The following PADI6 variants were observed in gnomAD, a reference collection of about 807,000 sequenced individuals.
PADI6 encodes peptidyl arginine deiminase 6.
In PADI6, 66 loss-of-function variants were observed where a neutral mutation model predicts 78.2. The observed-to-expected ratio is 0.84, with a 90% confidence interval of 0.69 to 1.04. PADI6 has a LOEUF of 1.04. Ranked by LOEUF, PADI6 falls within the 50% of genes least tolerant of loss-of-function variation. The pLI, the probability that PADI6 is intolerant of heterozygous loss-of-function variation, is 0.00. For synonymous variants in PADI6, 397 were observed against 346.9 expected (o/e 1.14, Z -1.60); for missense variants, 854 against 866.1 (o/e 0.99, Z 0.18).
At chr1:17,393,313 A>G (rs2075209836) in intron 9 of PADI6, among the ~76,000 whole-genome samples, 3 of 152,264 alleles carry the variant, frequency 2.0e-5, no homozygotes, top group South Asian at 4.1e-4. Context: ...GAAAGGTTAT[A>G]GTTCAGGTTT....
intron 14 of PADI6, 33 bp from the exon 15 acceptor site, chr1:17,398,653 C>CGGGGGGGGGGGGGGGGGGGGGGGGGGG: frequency 7.4e-6 from 1 of 135,092 alleles, no homozygotes. Flanking sequence ...CTTGCTCCCC[C>CGGGGGGGGGGGGGGGGGGGGGGGGGGG]GCCCCCCCCC....
chr1:17,375,544 G>A, intron 3 of PADI6, 45 bp downstream of exon 3: 1 of 1,517,902 alleles, frequency 6.6e-7, no homozygotes, highest in East Asian at 2.4e-5. Context: ...ACTCACCGCT[G>A]GGGTTGGGGA....
Position 17,395,676 on chromosome 1 carries a change from C to T in PADI6, c.1618+13C>T. 1.2e-6 allele frequency: 2 copies of T among 1,607,684 alleles called. No homozygotes were observed. ...CTCCTGTCTAATGGTAAGGGAACTC[C>T]CTTTCCACAGAACAGAACTGGGGTC... On this transcript the variant is annotated intron_variant, in intron 13 of 15. Transcript: ENST00000619609.
chr1:17,382,149 G>A, intron 6 of PADI6, 57 bp downstream of exon 6: 1 of 1,595,760 alleles, frequency 6.3e-7, no homozygotes, highest in South Asian at 1.1e-5. Context: ...CAGGCAAGTT[G>A]TGCCCACACC....
rs377469147 is a variant in PADI6, at chr1:17,398,731, C to G, written c.1735C>G (p.Leu579Val). ...TGACATCCTGAAGACGGAGCTGGGC[C>G]TGGTGGAACAGGACATCATCGAGAT... ...NRDILKTELG[L>V]VEQDIIEIPQ... Residue 579 changes from leucine to valine, a missense_variant, in exon 15 of 16, where the codon CTG (leucine) becomes GTG (valine). Leu to Val is a conservative substitution (Grantham distance 32, BLOSUM62 1). Coordinates refer to ENST00000619609, the MANE Select transcript of PADI6 (RefSeq NM_207421.4). The G allele has an allele frequency of 3.4e-5, 54 of 1,582,082 alleles. 1 individual carries two copies. The African/African-American group carries it at 6.4e-4, about 19-fold the overall frequency.
rs772948279 is a variant in PADI6 at position 17,401,387 on chromosome 1, C to T, written c.2034C>T (p.Ala678=). 1.9e-6 allele frequency: 3 copies of T among 1,614,076 alleles called. No individual in the cohort carries two copies. The highest frequency in any genetic ancestry group is 8.5e-7 in the Non-Finnish European group (1 of 1,179,906). Residue 678 remains alanine, a synonymous_variant, in exon 16 of 16, where the codon GCC becomes GCT. Transcript: ENST00000619609. The stretch of plus-strand genomic sequence containing the variant: ...AGGTCGGAGACATCTGTGCCTGTGC[C>T]AACATCCGCCGGGTGCCCTTTGCCT... ...LTEVGDICAC[A]NIRRVPFAFK...
chr1:17,372,326 T>C lies in PADI6; in HGVS notation c.81T>C (p.Cys27=). 1 of 1,613,918 alleles carries C rather than the reference T, an allele frequency of 6.2e-7. No individual in the cohort carries two copies. The highest frequency in any genetic ancestry group is 1.1e-5 in the South Asian group (1 of 91,088). Residue 27 remains cysteine (C), a synonymous_variant, in exon 1 of 16, where the codon TGT becomes TGC. Transcript: ENST00000619609. ...TGGACAGCCCTGTCCATGCCGTTTG[T>C]GTGTTGGGCACAGAAATCTGCTTGG... ...LSLDSPVHAV[C]VLGTEICLDL...
intron 9 of PADI6, among the ~76,000 whole-genome samples, chr1:17,393,062 C>T (rs930622103): frequency 1.3e-5 from 2 of 152,148 alleles, no homozygotes; most frequent in African/African-American, 4.8e-5. Context: ...AGAAGAATCG[C>T]TTGAACCCAG....
intron 3 of PADI6, among the ~76,000 whole-genome samples, chr1:17,377,502 T>C (rs2075030582): frequency 6.6e-6 from 1 of 152,176 alleles, no homozygotes; most frequent in East Asian, 1.9e-4. Flanking sequence ...CCGACTTGGA[T>C]ATTGCCTACC....
Position 17,381,160 on chromosome 1 carries a change from A to G in PADI6, c.549A>G (p.Ser183=), listed in dbSNP as rs970030085. 5.0e-6 allele frequency: 8 copies of G among 1,595,812 alleles called. No homozygotes were observed. The African/African-American group carries it at 5.4e-5, about 11-fold the overall frequency. The change falls in exon 5 of 16, where the codon TCA becomes TCG. Residue 183 remains serine, a synonymous_variant. Transcript: ENST00000619609. ...AGAAAACCAAGAAAGTGATCTTTTC[A>G]GAGGGTAGGACCTCAGACTGTCTCT... ...EDKKTKKVIF[S]EEITNLSQMT...
At chr1:17,392,368 G>A (rs2075195328) in intron 9 of PADI6, 143 bp downstream of exon 9, 1 of 609,454 alleles carries the variant, frequency 1.6e-6, no homozygotes, top group Non-Finnish European at 2.9e-6. Context: ...GGACTTCAGT[G>A]GAGGCTCAGA....
intron 14 of PADI6, 124 bp downstream of exon 14, chr1:17,397,265 C>T: frequency 9.7e-7 from 1 of 1,025,716 alleles, no homozygotes; most frequent in Non-Finnish European, 1.5e-6. Context: ...CTGCCTGCCA[C>T]CCTTTCTTCC....
At chr1:17,380,966 C>T in intron 4 of PADI6, 81 bp from the exon 5 acceptor site, 1 of 1,179,112 alleles carries the variant, frequency 8.5e-7, no homozygotes, top group South Asian at 1.5e-5. Context: ...CTTGGCTGGG[C>T]CCCTCTGCTA....
At chr1:17,396,603 C>T (rs755069804) in intron 13 of PADI6, among the ~76,000 whole-genome samples, 5 of 152,090 alleles carry the variant, frequency 3.3e-5, no homozygotes, top group African/African-American at 7.2e-5. Flanking sequence ...GTGACATCTG[C>T]TGAGCATGAA....
At chr1:17,394,484 G>T (rs2075225427) in intron 11 of PADI6, 30 bp downstream of exon 11, 1 of 1,604,748 alleles carries the variant, frequency 6.2e-7, no homozygotes, top group Admixed American at 1.7e-5. Flanking sequence ...GCCTCCAAAT[G>T]AAAGGAAGGG....
At chr1:17,385,921 T>C (rs1402090850) in intron 6 of PADI6, among the ~76,000 whole-genome samples, 4 of 152,182 alleles carry the variant, frequency 2.6e-5, no homozygotes, top group Admixed American at 2.6e-4. Context: ...TCATCAGTAT[T>C]TGCTCTGTGC....
At chr1:17,391,477 C>T (rs1213032821) in intron 8 of PADI6, among the ~76,000 whole-genome samples, 2 of 152,222 alleles carry the variant, frequency 1.3e-5, no homozygotes, top group Admixed American at 1.3e-4. Context: ...GCCTCAGCCT[C>T]CCAAAGTGCT....
intron 6 of PADI6, among the ~76,000 whole-genome samples, chr1:17,382,906 TCA>T (rs1379761782): frequency 2.0e-5 from 3 of 152,202 alleles, no homozygotes; most frequent in African/African-American, 7.2e-5. Context: ...TCCTCCTACC[TCA>T]CACTCCCAAG....
chr1:17,376,434 G>C (rs572211575), intron 3 of PADI6, among the ~76,000 whole-genome samples: 62 of 151,792 alleles, frequency 4.1e-4, no homozygotes, highest in Non-Finnish European at 7.2e-4. Flanking sequence ...CGAGTAGCTG[G>C]GACTATAGGT....
Sources: allele counts gnomAD v4.1 joint callset (sites outside exome capture counted in the v4.1 genomes callset), GRCh38; gene constraint gnomAD v4.1.1; transcripts MANE v1.5; gene names NCBI Gene and HGNC (gene_info 2026-07-23, HGNC 2026-07-21).